DUSP11: variants seen among roughly 807,000 people sequenced by gnomAD.
DUSP11 encodes RNA/RNP complex-1-interacting phosphatase.
Under a neutral mutation model 41.4 loss-of-function variants are expected in DUSP11, and 27 were observed. The ratio of observed to expected loss-of-function variants is 0.65; its 90% CI spans 0.48 to 0.90. The LOEUF (loss-of-function observed/expected upper bound fraction) is 0.90, where lower values mean the gene tolerates loss of function less well. Ranked by LOEUF, DUSP11 falls within the 40% of genes least tolerant of loss-of-function variation. The probability of loss-of-function intolerance (pLI) is 0.00; values close to 1 mark genes in which losing one functional copy is unlikely to be tolerated. For synonymous variants in DUSP11, 188 were observed against 159.3 expected, an observed-to-expected ratio of 1.18 and a Z score of -1.35; for missense variants, 465 against 461.1, an observed-to-expected ratio of 1.01 and a Z score of -0.08.
At chr2:73,774,813 A>C in intron 3 of DUSP11, 100 bp downstream of exon 3, 1 of 1,031,000 alleles carries the variant, frequency 9.7e-7, no homozygotes, top group Admixed American at 2.6e-5. Flanking sequence ...CCATCAAAGA[A>C]GGCCAAGCTT....
At chr2:73,770,631 T>C (rs1672556111) in intron 4 of DUSP11, among the ~76,000 whole-genome samples, 1 of 152,218 alleles carries the variant, frequency 6.6e-6, no homozygotes, top group Admixed American at 6.5e-5. Context: ...AGATGTTATC[T>C]TTCTAAAACA....
At chr2:73,773,745 A>G in intron 4 of DUSP11, 55 bp downstream of exon 4, 1 of 1,525,044 alleles carries the variant, frequency 6.6e-7, no homozygotes, top group Non-Finnish European at 8.8e-7. Flanking sequence ...AATACCAAAA[A>G]TCCCCAACCC....
chr2:73,771,365 C>T (rs999308022), intron 4 of DUSP11, among the ~76,000 whole-genome samples: 2 of 152,212 alleles, frequency 1.3e-5, no homozygotes, highest in African/African-American at 4.8e-5. Context: ...AACTGGGCTG[C>T]CCTTTTCTCA....
intron 4 of DUSP11, chr2:73,773,478 T>A (rs925235610): frequency 2.6e-6 from 1 of 381,136 alleles, no homozygotes; most frequent in African/African-American, 2.2e-5. Flanking sequence ...TTTTTTAATC[T>A]TTTCTTCTAC....
intron 4 of DUSP11, among the ~76,000 whole-genome samples, 172 bp from the exon 5 acceptor site, chr2:73,769,497 A>G (rs1199278512): frequency 6.6e-6 from 1 of 152,240 alleles, no homozygotes; most frequent in Admixed American, 6.5e-5. Flanking sequence ...AACTTTGCAT[A>G]GTCCCAATTA....
At chr2:73,778,869 G>A (rs1256395815) in intron 1 of DUSP11, among the ~76,000 whole-genome samples, 11 of 152,120 alleles carry the variant, frequency 7.2e-5, no homozygotes, top group Admixed American at 3.3e-4. Context: ...GGAACTGGCC[G>A]GGCGCGGTGG....
At chr2:73,762,972 A>G (rs1672391809) in intron 8 of DUSP11, 113 bp from the exon 9 acceptor site, 1 of 416,670 alleles carries the variant, frequency 2.4e-6, no homozygotes, top group Admixed American at 4.9e-5. Context: ...TTACAAAATA[A>G]TATATATTCT....
intron 4 of DUSP11, among the ~76,000 whole-genome samples, chr2:73,772,522 A>T (rs1672603139): frequency 6.6e-6 from 1 of 152,222 alleles, no homozygotes; most frequent in African/African-American, 2.4e-5. Context: ...CTAAGATTTA[A>T]AAATGTGTTC....
chr2:73,772,885 T>C (rs1253869176), intron 4 of DUSP11, among the ~76,000 whole-genome samples: 1 of 152,232 alleles, frequency 6.6e-6, no homozygotes, highest in Non-Finnish European at 1.5e-5. Context: ...CTATTCTTTC[T>C]CCACTACTCC....
intron 4 of DUSP11, among the ~76,000 whole-genome samples, chr2:73,772,790 G>A (rs1165017184): frequency 6.6e-6 from 1 of 152,186 alleles, no homozygotes; most frequent in Non-Finnish European, 1.5e-5. Context: ...TGAGCGACTA[G>A]GTTACAATTT....
exon 6 of DUSP11, chr2:73,767,203 A>T: frequency 6.2e-7 from 1 of 1,611,814 alleles, no homozygotes; most frequent in Non-Finnish European, 8.5e-7. Flanking sequence ...ACATCAATCA[A>T]ATATCTAACA....
chr2:73,765,579 TCCATCC>T (rs1672445719), intron 8 of DUSP11, among the ~76,000 whole-genome samples: 1 of 151,930 alleles, frequency 6.6e-6, no homozygotes, highest in Non-Finnish European at 1.5e-5. Context: ...CATCTATCCA[TCCATCC>T]ATCCATCCAT....
rs1361628190 is a variant in DUSP11, at chr2:73,769,065, CAT to C, written c.635+198_635+199del. On this transcript the variant is annotated intron_variant, in intron 5 of 8. Coordinates refer to ENST00000272444, the Ensembl canonical transcript of DUSP11. ...GTCTAACTATTATACCATTCAATAA[CAT>C]GTATGCTTGTATCTGCATTTTTAGA... 6 of 483,596 alleles carry C rather than the reference CAT, an allele frequency of 1.2e-5. No homozygotes were observed. In the Admixed American group the frequency reaches 2.2e-4, roughly 18 times the overall value. 30.0% of individuals were successfully genotyped at this position (483,596 alleles called of 1,614,324 possible). A position where few individuals can be genotyped will look rare whatever the true frequency, so the allele number is the denominator to read the frequency against.
At chr2:73,779,211 C>T (rs1418117056) in intron 1 of DUSP11, among the ~76,000 whole-genome samples, 1 of 152,060 alleles carries the variant, frequency 6.6e-6, no homozygotes, top group Non-Finnish European at 1.5e-5. Flanking sequence ...CTAATTAGAA[C>T]CCCACTGCAA....
At chr2:73,775,502 A>G (rs1360118144) in intron 2 of DUSP11, among the ~76,000 whole-genome samples, 1 of 145,428 alleles carries the variant, frequency 6.9e-6, no homozygotes, top group Admixed American at 6.9e-5. Flanking sequence ...CCTCAACCTC[A>G]CAAGTAGCTG....
chr2:73,762,673 T>C (rs781169905), exon 9 of DUSP11: 2 of 1,611,920 alleles, frequency 1.2e-6, no homozygotes, highest in Non-Finnish European at 1.7e-6. Context: ...ACTGGGTCCA[T>C]TCCCAACAGG....
At chr2:73,774,031 T>A in intron 3 of DUSP11, 108 bp from the exon 4 acceptor site, 1 of 919,748 alleles carries the variant, frequency 1.1e-6, no homozygotes, top group East Asian at 2.6e-5. Flanking sequence ...ACAAACTTAA[T>A]ATGCCAATAT....
rs1672526568 is a variant in DUSP11 at position 73,769,143 on chromosome 2, G to A, written c.635+122C>T. 1.4e-5 allele frequency: 10 copies of A among 735,470 alleles called. No individual in the cohort carries two copies. In the South Asian group the frequency reaches 1.6e-4, roughly 11 times the overall value. 45.6% of individuals were successfully genotyped at this position (735,470 alleles called of 1,614,324 possible). ...TTAATGGTGGTAATCTCTGGGTGGG[G>A]AGCAAGACTGCCTTCTACTTCATGT... On this transcript the variant is annotated intron_variant, in intron 5 of 8. Transcript: ENST00000272444.
At chr2:73,770,514 C>CA (rs1377404800) in intron 4 of DUSP11, among the ~76,000 whole-genome samples, 267 of 94,378 alleles carry the variant, frequency 2.8e-3, no homozygotes, top group East Asian at 9.2e-3. Context: ...GACTCCATCT[C>CA]AAAAAAAAAA....
Sources: gnomAD v4.1 joint callset for allele counts (sites outside exome capture counted in the v4.1 genomes callset) on GRCh38, gnomAD v4.1.1 for gene constraint, MANE v1.5 for transcripts, NCBI Gene and HGNC (gene_info 2026-07-23, HGNC 2026-07-21) for gene names.